Variants in NRG3 observed in about 807,000 individuals in gnomAD.
The protein encoded by NRG3 is neuregulin 3.
In NRG3, 31 loss-of-function variants were observed where a neutral mutation model predicts 66.9. The observed-to-expected ratio is 0.46, with a 90% confidence interval of 0.35 to 0.63. The LOEUF is 0.63. Ranked by LOEUF, NRG3 falls within the 20% of genes least tolerant of loss-of-function variation. The pLI, the probability that NRG3 is intolerant of heterozygous loss-of-function variation, is 0.00. For synonymous variants in NRG3, 393 were observed against 359.4 expected (o/e 1.09, Z -1.06); for missense variants, 910 against 878.9 (o/e 1.04, Z -0.45).
At chr10:82,843,292 G>A (rs1162689791) in intron 3 of NRG3, 2 of 450,112 alleles carry the variant, frequency 4.4e-6, no homozygotes, top group South Asian at 1.6e-5. Context: ...GGTGGGACGG[G>A]TGTCATTCTC....
chr10:82,109,573 G>A lies in NRG3; in HGVS notation c.823+233410G>A, dbSNP rs556840759. 2.0e-3 allele frequency among the ~76,000 whole-genome samples: 262 copies of A among 132,070 alleles called. 2 individuals are homozygous for A. Among genetic ancestry groups the A allele is most frequent in the African/African-American group, 8.1e-3 (254 of 31,198 alleles). 86.6% of individuals were successfully genotyped at this position (132,070 alleles called of 152,430 possible). A position where few individuals can be genotyped will look rare whatever the true frequency, so the allele number is the denominator to read the frequency against. On this transcript the variant is annotated intron_variant, in intron 1 of 8. Coordinates refer to ENST00000372141, the MANE Select transcript of NRG3 (RefSeq NM_001010848.4). Reference sequence around the variant, plus strand: ...TGTGTGTGTGTGTGTGTGTGTGTGTGTGTGTATATATATATTTTCAGATCA... The same window carrying A: ...TGTGTGTGTGTGTGTGTGTGTGTGTATGTGTATATATATATTTTCAGATCA...
intron 4 of NRG3, among the ~76,000 whole-genome samples, chr10:82,893,839 A>T (rs911083191): frequency 1.3e-5 from 2 of 152,206 alleles, no homozygotes; most frequent in Non-Finnish European, 1.5e-5. Context: ...TTCCACCAAA[A>T]AAGTTAGAAA....
At chr10:82,435,779 C>CTTTTTT (rs1158502018) in intron 2 of NRG3, among the ~76,000 whole-genome samples, 340 of 108,154 alleles carry the variant, frequency 3.1e-3, no homozygotes, top group East Asian at 6.7e-3. Context: ...CTTTTCTTTT[C>CTTTTTT]TTTTTTTTTT....
At chr10:82,003,483 G>A (rs1275425307) in intron 1 of NRG3, among the ~76,000 whole-genome samples, 2 of 152,182 alleles carry the variant, frequency 1.3e-5, no homozygotes, top group Non-Finnish European at 2.9e-5. Context: ...TAAAGAAAGA[G>A]AAGGTAGGAC....
intron 2 of NRG3, among the ~76,000 whole-genome samples, chr10:82,380,868 G>A (rs1416168891): frequency 6.6e-6 from 1 of 152,002 alleles, no homozygotes; most frequent in African/African-American, 2.4e-5. Context: ...AATAAATTTT[G>A]TAATAACCCC....
At chr10:82,728,709 G>A (rs925506249) in intron 2 of NRG3, among the ~76,000 whole-genome samples, 2 of 152,120 alleles carry the variant, frequency 1.3e-5, no homozygotes, top group Non-Finnish European at 2.9e-5. Flanking sequence ...ATCTCCCAAT[G>A]GTTGTCCCTT....
chr10:82,658,711 A>C (rs975334070), intron 2 of NRG3, among the ~76,000 whole-genome samples: 10 of 152,046 alleles, frequency 6.6e-5, no homozygotes, highest in African/African-American at 2.4e-4. Context: ...ATAGTTAGAA[A>C]CTTTTTGGGT....
intron 2 of NRG3, among the ~76,000 whole-genome samples, chr10:82,419,593 G>A (rs143705940): frequency 6.6e-6 from 1 of 152,226 alleles, no homozygotes; most frequent in East Asian, 1.9e-4. Context: ...TGTTAATGGA[G>A]TATTCTTTCA....
At chr10:82,391,993 CA>C (rs775895969) in intron 2 of NRG3, among the ~76,000 whole-genome samples, 1,849 of 38,854 alleles carry the variant, frequency 0.048, 22 homozygotes, top group African/African-American at 0.16. Flanking sequence ...CGAGCACATG[CA>C]AAAAAAAAAA....
intron 1 of NRG3, among the ~76,000 whole-genome samples, chr10:82,313,076 G>T (rs868591122): frequency 3.3e-5 from 5 of 152,138 alleles, no homozygotes; most frequent in Admixed American, 1.3e-4. Flanking sequence ...TACTTGGGAG[G>T]CTGAGGTGGG....
chr10:82,666,907 T>C (rs1397566527), intron 2 of NRG3, among the ~76,000 whole-genome samples: 1 of 152,232 alleles, frequency 6.6e-6, no homozygotes, highest in African/African-American at 2.4e-5. Flanking sequence ...AAATGCATGA[T>C]ACATTATATA....
intron 1 of NRG3, among the ~76,000 whole-genome samples, chr10:82,207,939 A>G (rs1032656709): frequency 3.3e-5 from 5 of 152,166 alleles, no homozygotes; most frequent in African/African-American, 1.2e-4. Flanking sequence ...CAGCCAAACC[A>G]TATTACTGTG....
intron 2 of NRG3, among the ~76,000 whole-genome samples, chr10:82,661,333 T>G (rs2052343464): frequency 6.6e-6 from 1 of 152,008 alleles, no homozygotes; most frequent in African/African-American, 2.4e-5. Flanking sequence ...ACATATATAT[T>G]TTAATATAAT....
rs58870828 is a variant in NRG3, at chr10:82,660,196, C to CA, written c.954-78342dup. Among the ~76,000 whole-genome samples the CA allele has an allele frequency of 3.8e-3, 74 of 19,560 alleles. 14 individuals are homozygous for CA. Among genetic ancestry groups the CA allele is most frequent in the Non-Finnish European group, 4.7e-3 (49 of 10,364 alleles). 12.8% of individuals were successfully genotyped at this position (19,560 alleles called of 152,430 possible). A position where few individuals can be genotyped will look rare whatever the true frequency, so the allele number is the denominator to read the frequency against. On this transcript the variant is annotated intron_variant, in intron 2 of 8. Coordinates refer to ENST00000372141, the MANE Select transcript of NRG3 (RefSeq NM_001010848.4). ...GGGCGACAAGAGCAAAACTCCCTCT[C>CA]AAAAAAAAAAAAAAAAAAAAAAAAA...
At chr10:82,445,139 G>GTT (rs10708276) in intron 2 of NRG3, among the ~76,000 whole-genome samples, 240 of 145,624 alleles carry the variant, frequency 1.6e-3, no homozygotes, top group African/African-American at 5.3e-3. Context: ...CCCCATGCCA[G>GTT]TTTTTTTTTT....
intron 2 of NRG3, among the ~76,000 whole-genome samples, chr10:82,444,663 G>C (rs1319270616): frequency 6.6e-6 from 1 of 152,132 alleles, no homozygotes; most frequent in East Asian, 1.9e-4. Context: ...TTCCAAAGCA[G>C]AGGGAAAGAC....
chr10:81,893,751 C>T (rs540301093), intron 1 of NRG3, among the ~76,000 whole-genome samples: 28 of 152,214 alleles, frequency 1.8e-4, no homozygotes, highest in Non-Finnish European at 3.7e-4. Flanking sequence ...CTGTGGAAGG[C>T]AGAGTTCATG....
intron 2 of NRG3, among the ~76,000 whole-genome samples, chr10:82,696,507 A>G (rs1254017663): frequency 1.3e-5 from 2 of 152,110 alleles, no homozygotes; most frequent in East Asian, 3.9e-4. Flanking sequence ...AAAAAAAATA[A>G]CTTCCTCTTT....
At chr10:82,891,982 T>A (rs1235823345) in intron 4 of NRG3, among the ~76,000 whole-genome samples, 1 of 152,014 alleles carries the variant, frequency 6.6e-6, no homozygotes, top group Admixed American at 6.6e-5. Flanking sequence ...AAATTATAAA[T>A]ATATATTGTT....
Sources: gnomAD v4.1 joint callset for allele counts (sites outside exome capture counted in the v4.1 genomes callset) on GRCh38, gnomAD v4.1.1 for gene constraint, MANE v1.5 for transcripts, NCBI Gene and HGNC (gene_info 2026-07-23, HGNC 2026-07-21) for gene names.